RBM6: variants seen among roughly 807,000 people sequenced by gnomAD.
RBM6 encodes the protein RNA-binding protein 6.
In RBM6, 23 loss-of-function variants were observed where a neutral mutation model predicts 140.4. The observed-to-expected ratio is 0.16, with a 90% CI of 0.12 to 0.23. RBM6 has a LOEUF of 0.23. Ranked by LOEUF, RBM6 falls within the 10% of genes least tolerant of loss-of-function variation. RBM6 has a pLI of 1.00. For synonymous variants in RBM6, 439 were observed against 475.6 expected (o/e 0.92, Z 1.00); for missense variants, 1,139 against 1,386.7 (o/e 0.82, Z 2.84).
chr3:49,958,985 G>A (rs2084149396), intron 1 of RBM6, among the ~76,000 whole-genome samples: 2 of 151,556 alleles, frequency 1.3e-5, no homozygotes, highest in East Asian at 2.0e-4. Flanking sequence ...TAGTAGAGAC[G>A]GGTTTCACCA....
chr3:49,954,129 A>C (rs1000141837), intron 1 of RBM6, among the ~76,000 whole-genome samples: 2 of 149,772 alleles, frequency 1.3e-5, no homozygotes, highest in Non-Finnish European at 3.0e-5. Flanking sequence ...GAGTGAGATA[A>C]GGTCTCAGAA....
rs976404641 is a variant in RBM6, at chr3:49,972,151, A to G, written c.1413+3A>G. ...CTGAAGATGCCACAAAAGAAGAGGTAAGGCATGTCTTCTCTCCTGTTTCTC... is the reference window on the plus strand; with the variant it reads ...CTGAAGATGCCACAAAAGAAGAGGTGAGGCATGTCTTCTCTCCTGTTTCTC... On this transcript the variant is annotated splice_donor_region_variant and intron_variant, in intron 4 of 20. Transcript: ENST00000266022. 1.3e-6 allele frequency: 2 copies of G among 1,596,844 alleles called. No homozygotes were observed. Among genetic ancestry groups the G allele is most frequent in the African/African-American group, 1.3e-5 (1 of 74,572 alleles).
intron 7 of RBM6, among the ~76,000 whole-genome samples, chr3:50,053,577 G>A (rs1043676794): frequency 6.6e-6 from 1 of 151,278 alleles, no homozygotes; most frequent in Non-Finnish European, 1.5e-5. Flanking sequence ...TATTGTTATT[G>A]TTTTCTCCTC....
intron 1 of RBM6, among the ~76,000 whole-genome samples, chr3:49,947,915 A>G (rs2083564103): frequency 6.6e-6 from 1 of 152,180 alleles, no homozygotes; most frequent in Non-Finnish European, 1.5e-5. Context: ...CCAACATGGC[A>G]ATATCCCGTC....
At chr3:49,951,722 T>G (rs7635002) in intron 1 of RBM6, among the ~76,000 whole-genome samples, 77,033 of 149,156 alleles carry the variant, frequency 0.52, 21,060 homozygotes, top group African/African-American at 0.67. Context: ...TTATTATTTT[T>G]TTGTTGTTCT....
At chr3:50,071,800 TGGG>T (rs532989328) in intron 19 of RBM6, among the ~76,000 whole-genome samples, 2 of 151,866 alleles carry the variant, frequency 1.3e-5, no homozygotes, top group East Asian at 3.9e-4. Flanking sequence ...AAAGGAAAAA[TGGG>T]GGCCAGGCGT....
intron 6 of RBM6, among the ~76,000 whole-genome samples, chr3:50,024,403 C>G (rs2087682035): frequency 6.6e-6 from 1 of 151,036 alleles, no homozygotes; most frequent in African/African-American, 2.4e-5. Flanking sequence ...ATGGAGAAGC[C>G]CCTCCTGCCC....
chr3:50,036,281 G>A (rs751180051), intron 6 of RBM6, among the ~76,000 whole-genome samples: 4 of 152,120 alleles, frequency 2.6e-5, no homozygotes, highest in Non-Finnish European at 4.4e-5. Context: ...ATGTCTTAAC[G>A]TCTGATGGAG....
chr3:50,007,371 G>A (rs975978867), intron 6 of RBM6, among the ~76,000 whole-genome samples: 1 of 151,452 alleles, frequency 6.6e-6, no homozygotes, highest in African/African-American at 2.4e-5. Flanking sequence ...TATTTTTGTA[G>A]AGACGGGGTT....
chr3:50,004,391 T>TG (rs1321870804), intron 6 of RBM6, among the ~76,000 whole-genome samples: 2 of 142,706 alleles, frequency 1.4e-5, no homozygotes, highest in East Asian at 4.6e-4. Context: ...CATGGCTCAC[T>TG]GCGGCCTCGA....
intron 1 of RBM6, among the ~76,000 whole-genome samples, chr3:49,946,682 T>A (rs1248236029): frequency 6.6e-6 from 1 of 151,772 alleles, no homozygotes; most frequent in Non-Finnish European, 1.5e-5. Context: ...ATTACAGGCG[T>A]GTGCCACCAC....
chr3:49,945,176 ATTTTTTTT>A lies in RBM6; in HGVS notation c.-67+4964_-67+4971del, dbSNP rs34249907. Among the ~76,000 whole-genome samples, 3 of 122,120 alleles carry A rather than the reference ATTTTTTTT, an allele frequency of 2.5e-5. No homozygotes were observed. In the South Asian group the frequency reaches 7.9e-4, roughly 32 times the overall value. 80.1% of individuals were successfully genotyped at this position (122,120 alleles called of 152,430 possible). A position where few individuals can be genotyped will look rare whatever the true frequency, so the allele number is the denominator to read the frequency against. ...AGGCGTGAGCCACCGCGCCCGGCCA[ATTTTTTTT>A]TTTTTTTTTTTTAGACAGGGTCTTG... On this transcript the variant is annotated intron_variant, in intron 1 of 20. Coordinates refer to ENST00000266022, the MANE Select transcript of RBM6 (RefSeq NM_005777.3).
chr3:49,990,528 C>G (rs1320146570), intron 5 of RBM6, among the ~76,000 whole-genome samples: 2 of 152,170 alleles, frequency 1.3e-5, no homozygotes, highest in African/African-American at 4.8e-5. Flanking sequence ...AATTAAAACA[C>G]TATTGTTTGT....
At chr3:50,068,879 C>A in intron 18 of RBM6, 115 bp downstream of exon 18, 1 of 894,924 alleles carries the variant, frequency 1.1e-6, no homozygotes, top group Non-Finnish European at 1.7e-6. Context: ...AAAGCAGCCT[C>A]AAAAGATAGT....
chr3:49,941,743 T>C (rs966528597), intron 1 of RBM6, among the ~76,000 whole-genome samples: 2 of 151,872 alleles, frequency 1.3e-5, no homozygotes, highest in South Asian at 2.1e-4. Context: ...TTTTTGTATT[T>C]TTTTAGTAGA....
intron 7 of RBM6, among the ~76,000 whole-genome samples, chr3:50,053,411 A>G (rs1253240922): frequency 6.6e-6 from 1 of 152,128 alleles, no homozygotes; most frequent in Non-Finnish European, 1.5e-5. Context: ...CATGCCTGTA[A>G]TCCCGGCTAC....
chr3:49,992,118 A>G (rs2085856550), intron 5 of RBM6, among the ~76,000 whole-genome samples: 1 of 151,854 alleles, frequency 6.6e-6, no homozygotes, highest in Non-Finnish European at 1.5e-5. Flanking sequence ...CACCTGGCTG[A>G]TTTAAAACCT....
intron 1 of RBM6, among the ~76,000 whole-genome samples, chr3:49,948,542 G>A (rs985305033): frequency 2.0e-5 from 3 of 151,652 alleles, no homozygotes; most frequent in East Asian, 2.0e-4. Flanking sequence ...ATGAAACCTA[G>A]TCTCTACTAA....
chr3:50,044,717 A>G (rs1288609373), intron 6 of RBM6, among the ~76,000 whole-genome samples: 1 of 152,164 alleles, frequency 6.6e-6, no homozygotes, highest in African/African-American at 2.4e-5. Context: ...GAAAGGCAGC[A>G]ATGGGGAGGG....
Sources: gnomAD v4.1 joint callset for allele counts (sites outside exome capture counted in the v4.1 genomes callset) on GRCh38, gnomAD v4.1.1 for gene constraint, MANE v1.5 for transcripts, NCBI Gene and HGNC (gene_info 2026-07-23, HGNC 2026-07-21) for gene names.